Variants in CEBPZOS observed in about 807,000 individuals in gnomAD.
CEBPZOS encodes protein CEBPZOS.
In CEBPZOS, 10 loss-of-function variants were observed where a neutral mutation model predicts 4.8. That is an observed-to-expected ratio of 2.07 (90% CI 1.28 to 3.52). The LOEUF is 3.52. Ranked by LOEUF, CEBPZOS falls within the 30% of genes most tolerant of loss-of-function variation. The probability of loss-of-function intolerance (pLI) is 0.00; values close to 1 mark genes in which losing one functional copy is unlikely to be tolerated. For synonymous variants in CEBPZOS, 25 were observed against 14.2 expected (o/e 1.77, Z -1.72); for missense variants, 98 against 43.6 (o/e 2.25, Z -3.51).
At chr2:37,212,457 C>G (rs1026717870) in intron 4 of CEBPZOS, 18 of 1,316,084 alleles carry the variant, frequency 1.4e-5, no homozygotes, top group Admixed American at 1.7e-5. Context: ...TATCTTGTAT[C>G]TGAATCAATT....
At chr2:37,214,992 A>G (rs746272607), downstream of CEBPZOS, 98 of 1,260,408 alleles carry the variant, frequency 7.8e-5, no homozygotes, top group Admixed American at 6.6e-4. Flanking sequence ...TCATATAGCA[A>G]TCCCCTTTAT....
intron 4 of CEBPZOS, chr2:37,210,189 T>C (rs1030553827): frequency 1.3e-5 from 2 of 152,172 alleles, no homozygotes; most frequent in African/African-American, 4.8e-5. Context: ...GAATGTAAAC[T>C]AGTACAACCA....
intron 1 of CEBPZOS, among the ~76,000 whole-genome samples, chr2:37,199,297 TCTTA>T (rs914287451): frequency 3.7e-4 from 57 of 152,312 alleles, no homozygotes; most frequent in African/African-American, 1.3e-3. Context: ...TTGAGAAAGA[TCTTA>T]CTTTTGTACG....
chr2:37,213,835 T>G (rs756070861), downstream of CEBPZOS: 11 of 1,468,774 alleles, frequency 7.5e-6, no homozygotes, highest in Non-Finnish European at 9.5e-7. Context: ...TAGTAGATTA[T>G]TTTACAAAGA....
At chr2:37,197,789 C>T (rs1202233325) in intron 1 of CEBPZOS, among the ~76,000 whole-genome samples, 2 of 152,140 alleles carry the variant, frequency 1.3e-5, no homozygotes, top group Non-Finnish European at 2.9e-5. Flanking sequence ...TCACTTGAAC[C>T]CGGGAGACGG....
At position 37,203,256 on chromosome 2, in the gene CEBPZOS, C is replaced by T. The variant is rs1677368359; in HGVS notation, c.*1396C>T. ...GTGTCTTCTTGCTTTTCAGATTTGGCCACTGATCGAAGTTTTACCCATAAG... is the reference window on the plus strand; with the variant it reads ...GTGTCTTCTTGCTTTTCAGATTTGGTCACTGATCGAAGTTTTACCCATAAG... On this transcript the variant is annotated 3_prime_UTR_variant, in exon 5 of 5. Coordinates refer to ENST00000402297, the MANE Select transcript of CEBPZOS (RefSeq NM_001322374.2). 7.1e-6 allele frequency: 2 copies of T among 280,804 alleles called. No homozygotes were observed. The highest frequency in any genetic ancestry group is 6.6e-6 in the Non-Finnish European group (1 of 152,278). The allele number at this position is 280,804 out of a possible 1,614,324, so 17.4% of individuals were successfully genotyped here. A position where few individuals can be genotyped will look rare whatever the true frequency, so the allele number is the denominator to read the frequency against.
Position 37,199,756 on chromosome 2 carries a change from G to T in CEBPZOS, c.52G>T (p.Val18Leu), listed in dbSNP as rs1357102594. 1 of 717,538 alleles carries T rather than the reference G, an allele frequency of 1.4e-6. No individual in the cohort carries two copies. Among genetic ancestry groups the T allele is most frequent in the East Asian group, 2.7e-5 (1 of 37,282 alleles). The allele number at this position is 717,538 out of a possible 1,614,324, so 44.4% of individuals were successfully genotyped here. ...AAAGAAGATCTTTAAAGGAGTTTTG[G>T]TAGCCGAACTTGTAGGCGTTTTTGG... is the stretch of plus-strand genomic sequence containing the variant. ...LAKKIFKGVL[V>L]AELVGVFGAY... The change falls in exon 2 of 5, where the codon GTA becomes TTA. Residue 18 changes from valine (V) to leucine (L), a missense_variant. By Grantham distance (32) the Val-to-Leu change is conservative (BLOSUM62 1). Transcript: ENST00000402297.
downstream of CEBPZOS, among the ~76,000 whole-genome samples, chr2:37,205,215 G>T (rs1447098310): frequency 1.3e-5 from 2 of 151,986 alleles, no homozygotes; most frequent in African/African-American, 2.4e-5. Context: ...ATATGTAAAT[G>T]AAACTTTTTG....
chr2:37,212,956 C>T (rs1186021525), intron 4 of CEBPZOS, among the ~76,000 whole-genome samples: 1 of 151,634 alleles, frequency 6.6e-6, no homozygotes, highest in Non-Finnish European at 1.5e-5. Flanking sequence ...GGAAAATCGC[C>T]TGAGCCCAGA....
intron 3 of CEBPZOS, chr2:37,201,410 C>T: frequency 2.0e-6 from 1 of 506,082 alleles, no homozygotes; most frequent in Non-Finnish European, 3.5e-6. Flanking sequence ...CTGTCTCTTT[C>T]TCTGTCAAGT....
At chr2:37,201,616 TA>T (rs1200219640) in intron 3 of CEBPZOS, 25 bp from the exon 4 acceptor site, 4 of 694,348 alleles carry the variant, frequency 5.8e-6, no homozygotes, top group Non-Finnish European at 1.0e-5. Context: ...CATGACTTTA[TA>T]AATGAGAGCT....
At chr2:37,212,367 G>C (rs755079896) in intron 4 of CEBPZOS, 12 of 1,613,404 alleles carry the variant, frequency 7.4e-6, no homozygotes, top group Non-Finnish European at 2.5e-6. Flanking sequence ...TTCCAGAGCT[G>C]AAACAGTTAT....
chr2:37,203,580 C>T lies in CEBPZOS; in HGVS notation c.*1720C>T, dbSNP rs909128431. 6.6e-6 allele frequency: 1 copy of T among 152,166 alleles called. No individual in the cohort carries two copies. Among genetic ancestry groups the T allele is most frequent in the Non-Finnish European group, 1.5e-5 (1 of 68,026 alleles). The allele number at this position is 152,166 out of a possible 1,614,324, so 9.4% of individuals were successfully genotyped here. ...TAGTAGAGCCATATTTTAAAAAGAGCTTTACTAAATACAGATCATAACATT... is the reference window on the plus strand; with the variant it reads ...TAGTAGAGCCATATTTTAAAAAGAGTTTTACTAAATACAGATCATAACATT... On this transcript the variant is annotated 3_prime_UTR_variant, in exon 5 of 5. Transcript: ENST00000402297.
In CEBPZOS at chr2:37,199,732, A is replaced by T; in HGVS notation, c.28A>T (p.Lys10Ter). 1.4e-6 allele frequency: 1 copy of T among 717,340 alleles called. No individual in the cohort carries two copies. Among genetic ancestry groups the T allele is most frequent in the East Asian group, 2.7e-5 (1 of 37,256 alleles). 44.4% of individuals were successfully genotyped at this position (717,340 alleles called of 1,614,324 possible). Reference protein sequence around the residue: MARTLEPLAKKIFKGVLVAE... With the variant: MARTLEPLA ...GGCCCGTACTTTGGAACCACTAGCA[A>T]AGAAGATCTTTAAAGGAGTTTTGGT... is the stretch of plus-strand genomic sequence containing the variant. Residue 10 changes from lysine (K) to a stop codon, truncating the protein, a stop_gained, in exon 2 of 5, where the codon AAG (lysine) becomes TAG (stop). Transcript: ENST00000402297. LOFTEE classifies it high-confidence loss of function.
chr2:37,211,766 C>A (rs762383155), intron 4 of CEBPZOS: 20 of 1,098,134 alleles, frequency 1.8e-5, no homozygotes, highest in Non-Finnish European at 2.4e-5. Flanking sequence ...ATATTAAAAA[C>A]CTTTAGCAGA....
intron 3 of CEBPZOS, 55 bp from the exon 4 acceptor site, chr2:37,201,582 CATTTA>C (rs1368165502): frequency 3.0e-6 from 2 of 657,114 alleles, no homozygotes; most frequent in East Asian, 5.5e-5. Context: ...TTTTTCAATA[CATTTA>C]ATTTTAACAA....
chr2:37,210,975 A>C (rs1677703032), intron 4 of CEBPZOS: 1 of 1,542,050 alleles, frequency 6.5e-7, no homozygotes, highest in East Asian at 2.3e-5. Flanking sequence ...CTGCTTTTAA[A>C]AGATATTAAA....
downstream of CEBPZOS, among the ~76,000 whole-genome samples, chr2:37,205,760 T>C (rs573356417): frequency 7.9e-5 from 12 of 152,364 alleles, no homozygotes; most frequent in Admixed American, 2.6e-4. Flanking sequence ...TACATTTTTA[T>C]CAAAAATCTT....
intron 4 of CEBPZOS, chr2:37,210,811 A>C: frequency 2.1e-6 from 1 of 484,578 alleles, no homozygotes. Context: ...AAGATGATCC[A>C]GAGATATCTG....
Sources: allele counts gnomAD v4.1 joint callset (sites outside exome capture counted in the v4.1 genomes callset), GRCh38; gene constraint gnomAD v4.1.1; transcripts MANE v1.5; gene names NCBI Gene and HGNC (gene_info 2026-07-23, HGNC 2026-07-21).